Variants in MRPS6 observed in about 807,000 individuals in gnomAD.
MRPS6 encodes small ribosomal subunit protein bS6m.
Under a neutral mutation model 13.1 loss-of-function variants are expected in MRPS6, and 6 were observed. That is an observed-to-expected ratio of 0.46 (90% CI 0.25 to 0.91). The LOEUF (loss-of-function observed/expected upper bound fraction) is 0.91. Among genes scored for constraint, MRPS6 ranks in the 40% least tolerant of loss-of-function variants. The pLI is 0.18. For synonymous variants in MRPS6, 61 were observed against 56.5 expected, an observed-to-expected ratio of 1.08 and a Z score of -0.36; for missense variants, 164 against 155.6, an observed-to-expected ratio of 1.05 and a Z score of -0.29.
chr21:34,123,233 A>G (rs1300942454), intron 1 of MRPS6: 1 of 152,222 alleles, frequency 6.6e-6, no homozygotes, highest in Non-Finnish European at 1.5e-5. Context: ...TTAAAAATAT[A>G]GTGGATTTTG....
chr21:34,103,001 C>CAG (rs1431118376), intron 1 of MRPS6: 1 of 999,606 alleles, frequency 1.0e-6, no homozygotes. Context: ...TGCTCTTAGA[C>CAG]AGAGTAGTCT....
intron 1 of MRPS6, among the ~76,000 whole-genome samples, chr21:34,119,586 G>C (rs1226660234): frequency 6.6e-6 from 1 of 152,172 alleles, no homozygotes; most frequent in Admixed American, 6.5e-5. Context: ...CGTGAGGCGG[G>C]CAGGGTGTAG....
chr21:34,089,739 C>G (rs1001033293), intron 1 of MRPS6, among the ~76,000 whole-genome samples: 1 of 152,074 alleles, frequency 6.6e-6, no homozygotes, highest in African/African-American at 2.4e-5. Flanking sequence ...GCAGTCCCTC[C>G]CTACTCTGCC....
chr21:34,078,118 C>T (rs1407456218), intron 1 of MRPS6, among the ~76,000 whole-genome samples: 3 of 152,230 alleles, frequency 2.0e-5, no homozygotes, highest in South Asian at 2.1e-4. Context: ...TCAGTTCAAA[C>T]GGAAACATCT....
At chr21:34,127,576 A>T (rs1980351815) in intron 2 of MRPS6, among the ~76,000 whole-genome samples, 1 of 152,178 alleles carries the variant, frequency 6.6e-6, no homozygotes, top group Non-Finnish European at 1.5e-5. Context: ...ACTTTTGGGA[A>T]ATGAGGATGT....
chr21:34,096,492 A>T lies in MRPS6; in HGVS notation c.45+22747A>T. The T allele has an allele frequency of 6.2e-7, 1 of 1,614,146 alleles. No homozygotes were observed. The highest frequency in any genetic ancestry group is 8.5e-7 in the Non-Finnish European group (1 of 1,180,020). Reference sequence around the variant, plus strand: ...AGCATGGGTGCCAATCATCGTGGAGATGCAAGGAGGCCAGATGTACCTTTA... The same window carrying T: ...AGCATGGGTGCCAATCATCGTGGAGTTGCAAGGAGGCCAGATGTACCTTTA... On this transcript the variant is annotated intron_variant, in intron 1 of 2. Coordinates refer to ENST00000399312, the MANE Select transcript of MRPS6 (RefSeq NM_032476.4). This position sits in a 1 kb window ranked among gnomAD's most constrained non-coding sequence, Gnocchi z 5.9.
Position 34,142,510 on chromosome 21 carries a change from C to A in MRPS6, c.288C>A (p.His96Gln). The A allele has an allele frequency of 6.2e-7, 1 of 1,613,466 alleles. No homozygotes were observed. The highest frequency in any genetic ancestry group is 8.5e-7 in the Non-Finnish European group (1 of 1,179,772). ...TGATTAGAGGGAATATTGTCAAACA[C>A]CCTCTGACCCAGGAACTAAAAGAAT... ...IDVIRGNIVK[H>Q]PLTQELKECE... Residue 96 changes from histidine (H) to glutamine (Q), a missense_variant, in exon 3 of 3, where the codon CAC (histidine) becomes CAA (glutamine). Coordinates refer to ENST00000399312, the MANE Select transcript of MRPS6 (RefSeq NM_032476.4).
chr21:34,102,949 T>A, intron 1 of MRPS6: 2 of 999,884 alleles, frequency 2.0e-6, no homozygotes, highest in Non-Finnish European at 2.4e-6. Flanking sequence ...AAATTCACCC[T>A]GTTTCCTAGT....
At chr21:34,139,287 GT>G (rs1196667432) in intron 2 of MRPS6, among the ~76,000 whole-genome samples, 1 of 151,804 alleles carries the variant, frequency 6.6e-6, no homozygotes, top group Non-Finnish European at 1.5e-5. Context: ...GTATACATAT[GT>G]AACTAACCTG....
chr21:34,097,243 CTGTT>C (rs777616705), intron 1 of MRPS6: 2 of 1,613,962 alleles, frequency 1.2e-6, no homozygotes, highest in South Asian at 1.1e-5. Context: ...GAAGAGGAGG[CTGTT>C]TGTTTACAGA....
chr21:34,128,724 T>A (rs1980395348), intron 2 of MRPS6, among the ~76,000 whole-genome samples: 1 of 152,220 alleles, frequency 6.6e-6, no homozygotes, highest in Non-Finnish European at 1.5e-5. Context: ...ATTTTCTTAA[T>A]TCATAATCTC....
chr21:34,108,027 G>A (rs534571571), intron 1 of MRPS6, among the ~76,000 whole-genome samples: 1 of 152,182 alleles, frequency 6.6e-6, no homozygotes, highest in Non-Finnish European at 1.5e-5. Context: ...AACAATGGAC[G>A]ACGTATATGA....
At chr21:34,137,169 T>C (rs1980736015) in intron 2 of MRPS6, among the ~76,000 whole-genome samples, 1 of 152,220 alleles carries the variant, frequency 6.6e-6, no homozygotes, top group Non-Finnish European at 1.5e-5. Context: ...TTATGAACTT[T>C]CTAATCAATA....
chr21:34,077,546 C>T (rs1271941821), intron 1 of MRPS6, among the ~76,000 whole-genome samples: 1 of 152,072 alleles, frequency 6.6e-6, no homozygotes, highest in Non-Finnish European at 1.5e-5. Context: ...TAAATGATTC[C>T]ATTGCATGTA....
intron 1 of MRPS6, chr21:34,101,728 A>T: frequency 1.0e-6 from 1 of 993,530 alleles, no homozygotes; most frequent in Non-Finnish European, 1.2e-6. Context: ...AGATCCAAAT[A>T]ATGACTCATT....
At chr21:34,091,972 C>T (rs1307706608) in intron 1 of MRPS6, among the ~76,000 whole-genome samples, 4 of 151,944 alleles carry the variant, frequency 2.6e-5, no homozygotes, top group Non-Finnish European at 4.4e-5. Flanking sequence ...TGAACTGTGA[C>T]AAAAAGCATA....
intron 1 of MRPS6, among the ~76,000 whole-genome samples, chr21:34,074,523 C>T (rs1385424491): frequency 6.6e-6 from 1 of 152,220 alleles, no homozygotes; most frequent in Non-Finnish European, 1.5e-5. Flanking sequence ...CCAGCGGCCC[C>T]TTTCAGGTGA....
intron 1 of MRPS6, among the ~76,000 whole-genome samples, chr21:34,113,081 A>G (rs552358131): frequency 1.6e-4 from 25 of 152,330 alleles, no homozygotes; most frequent in Non-Finnish European, 2.2e-4. Context: ...TATGAAAAAG[A>G]CAAAATACAA....
chr21:34,129,720 C>G (rs555133048), intron 2 of MRPS6, among the ~76,000 whole-genome samples: 1 of 152,238 alleles, frequency 6.6e-6, no homozygotes, highest in East Asian at 1.9e-4. Flanking sequence ...GTAGTTTTCC[C>G]GTTAGCTAAC....
Sources: gnomAD v4.1 joint callset for allele counts (sites outside exome capture counted in the v4.1 genomes callset) on GRCh38, gnomAD v4.1.1 for gene constraint, Gnocchi (gnomAD v3.1) non-coding constraint, MANE v1.5 for transcripts, NCBI Gene and HGNC (gene_info 2026-07-23, HGNC 2026-07-21) for gene names.